Variants in IL1RAP observed in about 807,000 individuals in gnomAD.
The protein encoded by IL1RAP is interleukin-1 receptor accessory protein.
In IL1RAP, 35 loss-of-function variants were observed where a neutral mutation model predicts 60.7. That is an observed-to-expected ratio of 0.58 (90% CI 0.44 to 0.76). IL1RAP has a LOEUF of 0.76. Among genes scored for constraint, IL1RAP ranks in the 30% least tolerant of loss-of-function variants. The pLI is 0.00. For missense variants in IL1RAP, 572 were observed against 693.9 expected, an observed-to-expected ratio of 0.82 and a Z score of 1.97; for synonymous variants, 268 against 250.9, an observed-to-expected ratio of 1.07 and a Z score of -0.64.
At chr3:190,647,289 A>G (rs1161513977) in intron 11 of IL1RAP, among the ~76,000 whole-genome samples, 1 of 152,108 alleles carries the variant, frequency 6.6e-6, no homozygotes, top group African/African-American at 2.4e-5. Context: ...CTGTTTCTGA[A>G]CCTGTGAAGA....
chr3:190,551,188 G>A (rs745725639), intron 1 of IL1RAP, among the ~76,000 whole-genome samples: 1 of 152,210 alleles, frequency 6.6e-6, no homozygotes, highest in African/African-American at 2.4e-5. Context: ...CAAGGACTGT[G>A]TAGACAAGAG....
chr3:190,621,137 A>T (rs928815028), intron 6 of IL1RAP, among the ~76,000 whole-genome samples: 47 of 152,324 alleles, frequency 3.1e-4, no homozygotes, highest in African/African-American at 1.0e-3. Flanking sequence ...ATTAAAAAAG[A>T]TAGCATCTCT....
intron 1 of IL1RAP, among the ~76,000 whole-genome samples, chr3:190,534,638 C>G (rs1723275598): frequency 6.6e-6 from 1 of 152,114 alleles, no homozygotes; most frequent in Non-Finnish European, 1.5e-5. Context: ...ATTGCCTGTT[C>G]AGACATGACT....
chr3:190,626,383 C>G (rs1361029581), intron 7 of IL1RAP, among the ~76,000 whole-genome samples: 1 of 152,154 alleles, frequency 6.6e-6, no homozygotes, highest in Non-Finnish European at 1.5e-5. Flanking sequence ...CTACTGTTTT[C>G]TGCCTAGGGA....
chr3:190,644,189 G>T, intron 9 of IL1RAP, 59 bp from the exon 10 acceptor site: 2 of 1,557,214 alleles, frequency 1.3e-6, no homozygotes, highest in South Asian at 2.4e-5. Flanking sequence ...TTGCCGGGAT[G>T]GTGGGTCACT....
chr3:190,544,589 C>A (rs1724213068), intron 1 of IL1RAP, among the ~76,000 whole-genome samples: 2 of 152,176 alleles, frequency 1.3e-5, no homozygotes, highest in South Asian at 4.1e-4. Flanking sequence ...AAAGCTTGGT[C>A]TACTGTTTGG....
rs113466658 is a variant in IL1RAP, at chr3:190,543,481, G to T, written c.-88-12649G>T. Among the ~76,000 whole-genome samples, 1,261 of 152,218 alleles carry T rather than the reference G, an allele frequency of 8.3e-3. 11 individuals carry two copies. Among genetic ancestry groups the T allele is most frequent in the African/African-American group, 0.028 (1,163 of 41,514 alleles). ...CATACACACTTATTTAATAGTACAAGATAAAAAAGCACATTACTGAGACTA... is the reference window on the plus strand; with the variant it reads ...CATACACACTTATTTAATAGTACAATATAAAAAAGCACATTACTGAGACTA... On this transcript the variant is annotated intron_variant, in intron 1 of 11. Coordinates refer to ENST00000447382, the MANE Select transcript of IL1RAP (RefSeq NM_002182.4).
intron 11 of IL1RAP, among the ~76,000 whole-genome samples, chr3:190,647,205 C>T (rs1734075995): frequency 6.6e-6 from 1 of 152,190 alleles, no homozygotes; most frequent in Middle Eastern, 3.2e-3. Flanking sequence ...AGTGCCACTG[C>T]TTGGAACACA....
In IL1RAP at chr3:190,519,727, A is replaced by G. The variant is rs558029728; in HGVS notation, c.-89+5508A>G. 3.3e-5 allele frequency among the ~76,000 whole-genome samples: 5 copies of G among 152,224 alleles called. No homozygotes were observed. In the East Asian group the frequency reaches 9.6e-4, roughly 29 times the overall value. ...CTCACAAAACCCCTTTTAAATGCAT[A>G]TAACATCTTCTATCTCTATTGTTAT... On this transcript the variant is annotated intron_variant, in intron 1 of 11. Coordinates refer to ENST00000447382, the MANE Select transcript of IL1RAP (RefSeq NM_002182.4).
chr3:190,652,604 G>A (rs564855302), downstream of IL1RAP, among the ~76,000 whole-genome samples: 8 of 152,100 alleles, frequency 5.3e-5, no homozygotes, highest in African/African-American at 1.4e-4. Flanking sequence ...TCAACGGATC[G>A]AAGTTACAAG....
At chr3:190,583,910 C>T (rs1416133843) in intron 3 of IL1RAP, among the ~76,000 whole-genome samples, 1 of 152,132 alleles carries the variant, frequency 6.6e-6, no homozygotes, top group Non-Finnish European at 1.5e-5. Flanking sequence ...CTCTTATTTA[C>T]ATATGGTCAA....
intron 9 of IL1RAP, among the ~76,000 whole-genome samples, chr3:190,633,911 T>C (rs1231828529): frequency 6.6e-6 from 1 of 152,216 alleles, no homozygotes; most frequent in Non-Finnish European, 1.5e-5. Flanking sequence ...TACAATGTTC[T>C]GTAGAAGTTT....
intron 3 of IL1RAP, among the ~76,000 whole-genome samples, chr3:190,570,655 T>G (rs1041348454): frequency 1.3e-5 from 2 of 152,200 alleles, no homozygotes; most frequent in African/African-American, 4.8e-5. Context: ...AACCTCCACC[T>G]CCCAAGTTCA....
At position 190,650,796 on chromosome 3, in the gene IL1RAP, T is replaced by A; in HGVS notation, c.*2091T>A. ...TTCACTTACTAGACCAGAAAAGAACTTATTCCAGATAAGCTTTGAATATCA... is the reference window on the plus strand; with the variant it reads ...TTCACTTACTAGACCAGAAAAGAACATATTCCAGATAAGCTTTGAATATCA... On this transcript the variant is annotated 3_prime_UTR_variant, in exon 12 of 12. Coordinates refer to ENST00000447382, the MANE Select transcript of IL1RAP (RefSeq NM_002182.4). The A allele has an allele frequency of 1.0e-6, 1 of 984,574 alleles. No homozygotes were observed. Among genetic ancestry groups the A allele is most frequent in the Non-Finnish European group, 1.2e-6 (1 of 829,186 alleles). The allele number at this position is 984,574 out of a possible 1,614,324, so 61.0% of individuals were successfully genotyped here. A position where few individuals can be genotyped will look rare whatever the true frequency, so the allele number is the denominator to read the frequency against.
At chr3:190,595,141 C>T (rs1460556512) in intron 3 of IL1RAP, among the ~76,000 whole-genome samples, 3 of 152,170 alleles carry the variant, frequency 2.0e-5, no homozygotes, top group African/African-American at 2.4e-5. Context: ...TATTGTCAGT[C>T]TCCTTGTGTT....
chr3:190,582,552 A>C (rs1441575626), intron 3 of IL1RAP, among the ~76,000 whole-genome samples: 7 of 152,072 alleles, frequency 4.6e-5, no homozygotes, highest in African/African-American at 1.7e-4. Context: ...TCCTGACCTC[A>C]GGTGATCCAC....
chr3:190,623,230 T>C (rs1447678701), intron 6 of IL1RAP, 114 bp from the exon 7 acceptor site: 3 of 780,924 alleles, frequency 3.8e-6, no homozygotes, highest in Non-Finnish European at 4.5e-6. Flanking sequence ...AGGCCTTCTC[T>C]AAAACAACTG....
chr3:190,650,319 G>T lies in IL1RAP; in HGVS notation c.*1614G>T. ...TGCTACAGTTTATCTAGGTTGCAGT[G>T]GCATCTGCTGTGCACAGAGCTTCCA... On this transcript the variant is annotated 3_prime_UTR_variant, in exon 12 of 12. Coordinates refer to ENST00000447382, the MANE Select transcript of IL1RAP (RefSeq NM_002182.4). The T allele has an allele frequency of 1.0e-6, 1 of 985,148 alleles. No homozygotes were observed. The highest frequency in any genetic ancestry group is 1.2e-6 in the Non-Finnish European group (1 of 829,736). The allele number at this position is 985,148 out of a possible 1,614,324, so 61.0% of individuals were successfully genotyped here. A position where few individuals can be genotyped will look rare whatever the true frequency, so the allele number is the denominator to read the frequency against.
rs556846577 is a variant in IL1RAP at position 190,546,592 on chromosome 3, TC to T, written c.-88-9534del. On this transcript the variant is annotated intron_variant, in intron 1 of 11. Transcript: ENST00000447382. ...ATTTTATATATGTTAACTCATATAA[TC>T]CCCTCAGCAATCCTAGGAAGTAGAA... 3.4e-3 allele frequency among the ~76,000 whole-genome samples: 520 copies of T among 152,334 alleles called. 5 individuals are homozygous for T. Among genetic ancestry groups the T allele is most frequent in the African/African-American group, 0.012 (500 of 41,578 alleles).
Sources: gnomAD v4.1 joint callset for allele counts (sites outside exome capture counted in the v4.1 genomes callset) on GRCh38, gnomAD v4.1.1 for gene constraint, MANE v1.5 for transcripts, NCBI Gene and HGNC (gene_info 2026-07-23, HGNC 2026-07-21) for gene names.